CTTNBP2: variants seen among roughly 807,000 people sequenced by gnomAD.
CTTNBP2 encodes the protein cortactin-binding protein 2.
In CTTNBP2, 108 loss-of-function variants were observed where a neutral mutation model predicts 156.9. The observed-to-expected ratio is 0.69, with a 90% CI of 0.59 to 0.81. The LOEUF is 0.81. Ranked by LOEUF, CTTNBP2 falls within the 30% of genes least tolerant of loss-of-function variation. The pLI, the probability that CTTNBP2 is intolerant of heterozygous loss-of-function variation, is 0.00. For synonymous variants in CTTNBP2, 767 were observed against 751.8 expected, an observed-to-expected ratio of 1.02 and a Z score of -0.33; for missense variants, 1,924 against 2,035.4, an observed-to-expected ratio of 0.95 and a Z score of 1.05.
chr7:117,725,383 T>C (rs1283940848), intron 17 of CTTNBP2, 126 bp from the exon 18 acceptor site: 3 of 815,762 alleles, frequency 3.7e-6, no homozygotes, highest in Non-Finnish European at 6.0e-6. Context: ...ATATGCTACC[T>C]TTCCCAGGTA....
chr7:117,799,022 G>A (rs1378716795), intron 3 of CTTNBP2, among the ~76,000 whole-genome samples: 2 of 150,968 alleles, frequency 1.3e-5, no homozygotes, highest in East Asian at 3.9e-4. Context: ...TTTTTTAACA[G>A]AAACTAAATT....
intron 2 of CTTNBP2, among the ~76,000 whole-genome samples, chr7:117,826,952 C>A: frequency 6.6e-6 from 1 of 151,682 alleles, no homozygotes. Context: ...ACCTCCATCT[C>A]CCAGGTTCAA....
chr7:117,722,438 A>T (rs1160824160), intron 19 of CTTNBP2, among the ~76,000 whole-genome samples: 1 of 152,166 alleles, frequency 6.6e-6, no homozygotes, highest in East Asian at 1.9e-4. Flanking sequence ...AATTTCCTTG[A>T]AGTCAGTGTA....
chr7:117,815,464 A>G (rs1361643006), intron 2 of CTTNBP2, among the ~76,000 whole-genome samples: 1 of 152,230 alleles, frequency 6.6e-6, no homozygotes, highest in Non-Finnish European at 1.5e-5. Flanking sequence ...TTACTTTTCT[A>G]TATAAATATA....
chr7:117,844,676 A>G (rs907234205), intron 2 of CTTNBP2, among the ~76,000 whole-genome samples: 3 of 152,180 alleles, frequency 2.0e-5, no homozygotes, highest in African/African-American at 7.2e-5. Flanking sequence ...GGATTTGAGG[A>G]AAAACTTGAT....
At chr7:117,843,107 C>T (rs535226176) in intron 2 of CTTNBP2, among the ~76,000 whole-genome samples, 1 of 152,178 alleles carries the variant, frequency 6.6e-6, no homozygotes, top group African/African-American at 2.4e-5. Context: ...GTAATTATTC[C>T]CTAAACAATA....
intron 9 of CTTNBP2, among the ~76,000 whole-genome samples, chr7:117,766,603 G>A (rs1392705045): frequency 6.6e-6 from 1 of 152,094 alleles, no homozygotes; most frequent in Admixed American, 6.6e-5. Flanking sequence ...AAATGCTGAG[G>A]AGCATATACT....
At chr7:117,727,944 T>A in intron 17 of CTTNBP2, 145 bp downstream of exon 17, 2 of 690,258 alleles carry the variant, frequency 2.9e-6, no homozygotes, top group East Asian at 5.4e-5. Context: ...GCTGTGGCCA[T>A]CCTCTGAAAG....
chr7:117,872,814 G>A (rs986827556), intron 1 of CTTNBP2, among the ~76,000 whole-genome samples: 3 of 152,114 alleles, frequency 2.0e-5, no homozygotes, highest in African/African-American at 7.2e-5. Context: ...CCTCCCGAAG[G>A]CACAGGACCA....
At chr7:117,752,741 G>A (rs1199058050) in intron 12 of CTTNBP2, among the ~76,000 whole-genome samples, 1 of 152,150 alleles carries the variant, frequency 6.6e-6, no homozygotes, top group Non-Finnish European at 1.5e-5. Flanking sequence ...TGCATGAGTA[G>A]GCAGAAAGGC....
rs200027088 is a variant in CTTNBP2 at position 117,745,964 on chromosome 7, C to T, written c.3436-34G>A. 50 of 1,610,024 alleles carry T rather than the reference C, an allele frequency of 3.1e-5. No individual in the cohort carries two copies. The East Asian group carries it at 9.4e-4, about 30-fold the overall frequency. ...AGAAAATAGGGTGATTAGTTCTACG[C>T]ACTTGCCAATTTTCAAAGAAAAGCA... On this transcript the variant is annotated intron_variant, in intron 13 of 22. Coordinates refer to ENST00000160373, the MANE Select transcript of CTTNBP2 (RefSeq NM_033427.3).
At chr7:117,830,316 A>G (rs1801523124) in intron 2 of CTTNBP2, among the ~76,000 whole-genome samples, 1 of 152,210 alleles carries the variant, frequency 6.6e-6, no homozygotes, top group African/African-American at 2.4e-5. Flanking sequence ...ATGTTTCACT[A>G]TAATTCTGTT....
intron 9 of CTTNBP2, among the ~76,000 whole-genome samples, chr7:117,765,161 C>T (rs1012947785): frequency 6.6e-6 from 1 of 152,184 alleles, no homozygotes; most frequent in Non-Finnish European, 1.5e-5. Context: ...GTCTCGAACT[C>T]CCGACCTCAG....
intron 2 of CTTNBP2, among the ~76,000 whole-genome samples, chr7:117,815,593 A>T (rs1375249148): frequency 6.6e-6 from 1 of 152,150 alleles, no homozygotes; most frequent in Non-Finnish European, 1.5e-5. Flanking sequence ...CAGGCTCCCC[A>T]CTATTAGGAT....
intron 3 of CTTNBP2, among the ~76,000 whole-genome samples, chr7:117,796,930 T>C (rs1434145389): frequency 2.6e-5 from 4 of 152,166 alleles, no homozygotes; most frequent in Admixed American, 2.6e-4. Flanking sequence ...TATAACCCCT[T>C]GAAAAACATA....
At chr7:117,773,648 A>AACACACACACACACACACAC (rs71528190) in intron 8 of CTTNBP2, among the ~76,000 whole-genome samples, 34 of 95,130 alleles carry the variant, frequency 3.6e-4, no homozygotes, top group African/African-American at 6.7e-4. Context: ...GCTTAGAGTT[A>AACACACACACACACACACAC]ACACACACAC....
intron 2 of CTTNBP2, among the ~76,000 whole-genome samples, chr7:117,846,597 A>G (rs1170795233): frequency 6.6e-6 from 1 of 152,156 alleles, no homozygotes; most frequent in Non-Finnish European, 1.5e-5. Context: ...ATACTTTAAA[A>G]TATCATATAA....
At chr7:117,772,845 G>A (rs1202353860) in intron 8 of CTTNBP2, among the ~76,000 whole-genome samples, 1 of 152,108 alleles carries the variant, frequency 6.6e-6, no homozygotes, top group Non-Finnish European at 1.5e-5. Flanking sequence ...AACACTGGAT[G>A]GCCCATGTCT....
At chr7:117,734,348 T>C (rs1795566115) in intron 16 of CTTNBP2, among the ~76,000 whole-genome samples, 1 of 152,264 alleles carries the variant, frequency 6.6e-6, no homozygotes, top group Non-Finnish European at 1.5e-5. Flanking sequence ...GACACTCAGC[T>C]ACTGGCCCAA....
Sources: gnomAD v4.1 joint callset for allele counts (sites outside exome capture counted in the v4.1 genomes callset) on GRCh38, gnomAD v4.1.1 for gene constraint, MANE v1.5 for transcripts, NCBI Gene and HGNC (gene_info 2026-07-23, HGNC 2026-07-21) for gene names.